TAF4B: variants seen among roughly 807,000 people sequenced by gnomAD.
TAF4B encodes transcription initiation factor TFIID subunit 4B.
In TAF4B, 38 loss-of-function variants were observed where a neutral mutation model predicts 86.4. That is an observed-to-expected ratio of 0.44 (90% CI 0.34 to 0.58). The LOEUF is 0.58. Among genes scored for constraint, TAF4B ranks in the 20% least tolerant of loss-of-function variants. The probability of loss-of-function intolerance (pLI) is 0.02; values close to 1 mark genes in which losing one functional copy is unlikely to be tolerated. For synonymous variants in TAF4B, 388 were observed against 391.2 expected (o/e 0.99, Z 0.10); for missense variants, 988 against 1,027.6 (o/e 0.96, Z 0.53).
chr18:26,255,830 G>T (rs1041622163), intron 1 of TAF4B: 95 of 1,411,496 alleles, frequency 6.7e-5, no homozygotes, highest in Non-Finnish European at 9.2e-5. Flanking sequence ...GGCCTTTATA[G>T]ATGATCCCAC....
At chr18:26,364,244 A>G (rs2057352899) in intron 14 of TAF4B, among the ~76,000 whole-genome samples, 1 of 152,192 alleles carries the variant, frequency 6.6e-6, no homozygotes, top group African/African-American at 2.4e-5. Flanking sequence ...ACAATTTTGA[A>G]TAAGATATTT....
intron 5 of TAF4B, among the ~76,000 whole-genome samples, chr18:26,276,420 T>A (rs1439914123): frequency 6.6e-6 from 1 of 152,216 alleles, no homozygotes; most frequent in Non-Finnish European, 1.5e-5. Flanking sequence ...TTTTTTGAAC[T>A]ACTATAATAT....
intron 1 of TAF4B, among the ~76,000 whole-genome samples, chr18:26,246,275 T>C (rs1275353274): frequency 1.3e-5 from 2 of 152,178 alleles, no homozygotes; most frequent in African/African-American, 4.8e-5. Flanking sequence ...AATGACTATG[T>C]CTAAGAAGGC....
intron 9 of TAF4B, among the ~76,000 whole-genome samples, chr18:26,313,258 T>C (rs2056870240): frequency 6.6e-6 from 1 of 152,214 alleles, no homozygotes; most frequent in African/African-American, 2.4e-5. Context: ...GTCATCTGAC[T>C]TTTCATTTAT....
chr18:26,354,028 G>T (rs1226594641), intron 13 of TAF4B, among the ~76,000 whole-genome samples: 1 of 152,040 alleles, frequency 6.6e-6, no homozygotes, highest in East Asian at 1.9e-4. Flanking sequence ...GATCCAGATT[G>T]ATTTTTAAAA....
At chr18:26,363,069 T>C (rs1186304693) in intron 14 of TAF4B, among the ~76,000 whole-genome samples, 2 of 152,096 alleles carry the variant, frequency 1.3e-5, no homozygotes, top group African/African-American at 4.8e-5. Flanking sequence ...CTTGAGCGTC[T>C]TTGGTTTTTG....
At chr18:26,366,015 T>G (rs749372589) in intron 14 of TAF4B, among the ~76,000 whole-genome samples, 4 of 152,144 alleles carry the variant, frequency 2.6e-5, no homozygotes, top group Non-Finnish European at 5.9e-5. Flanking sequence ...GGTCTCAAAT[T>G]CCTGAACTCA....
intron 11 of TAF4B, among the ~76,000 whole-genome samples, chr18:26,325,340 A>T (rs1304800849): frequency 6.6e-6 from 1 of 152,214 alleles, no homozygotes; most frequent in Non-Finnish European, 1.5e-5. Flanking sequence ...TGGCTAAACC[A>T]TTTAATATGC....
intron 1 of TAF4B, among the ~76,000 whole-genome samples, chr18:26,262,666 A>T (rs2056186544): frequency 6.6e-6 from 1 of 152,036 alleles, no homozygotes. Context: ...TTTTTAGTAG[A>T]GACGGGGATT....
intron 1 of TAF4B, among the ~76,000 whole-genome samples, chr18:26,232,776 C>T (rs1038227894): frequency 9.2e-5 from 14 of 152,320 alleles, no homozygotes; most frequent in Admixed American, 5.2e-4. Context: ...GCCAAACAGT[C>T]TATTTGGGAT....
chr18:26,309,567 G>C (rs575392561), intron 9 of TAF4B, among the ~76,000 whole-genome samples: 31 of 152,174 alleles, frequency 2.0e-4, no homozygotes, highest in African/African-American at 7.0e-4. Context: ...TGTAAAAATA[G>C]AAGGCAGTAC....
chr18:26,236,222 CA>C (rs975818922), intron 1 of TAF4B, among the ~76,000 whole-genome samples: 2 of 152,144 alleles, frequency 1.3e-5, no homozygotes, highest in African/African-American at 4.8e-5. Context: ...ACAAGAAAGG[CA>C]CGTGAAAAGA....
intron 13 of TAF4B, among the ~76,000 whole-genome samples, chr18:26,352,523 G>A (rs1158248960): frequency 6.6e-6 from 1 of 152,064 alleles, no homozygotes; most frequent in Non-Finnish European, 1.5e-5. Flanking sequence ...TCATAAGACT[G>A]AGAAAGGAAA....
At chr18:26,332,719 G>A (rs138988062) in intron 12 of TAF4B, among the ~76,000 whole-genome samples, 120 of 152,048 alleles carry the variant, frequency 7.9e-4, no homozygotes, top group African/African-American at 2.1e-3. Flanking sequence ...TAGTAGAGAC[G>A]GGGTTTCACC....
intron 1 of TAF4B, among the ~76,000 whole-genome samples, chr18:26,232,232 G>A (rs191294319): frequency 9.9e-5 from 15 of 152,030 alleles, no homozygotes; most frequent in Admixed American, 6.5e-5. Context: ...CCCCACCCCC[G>A]TCTAAACAGG....
chr18:26,346,779 GTGTATATATATATATATATGTGTATA>G (rs2057187358), intron 13 of TAF4B, among the ~76,000 whole-genome samples: 1 of 17,896 alleles, frequency 5.6e-5, no homozygotes, highest in African/African-American at 1.7e-4. Flanking sequence ...ATATATGTGT[GTGTATATATATATATATATGTGTATA>G]TATATATATA....
At chr18:26,356,950 TGA>T (rs938714370) in intron 13 of TAF4B, among the ~76,000 whole-genome samples, 1 of 152,188 alleles carries the variant, frequency 6.6e-6, no homozygotes, top group African/African-American at 2.4e-5. Flanking sequence ...TGGGCATTCT[TGA>T]TTAAGTATGA....
chr18:26,286,626 T>C, intron 7 of TAF4B, 127 bp downstream of exon 7: 1 of 1,061,472 alleles, frequency 9.4e-7, no homozygotes, highest in African/African-American at 1.6e-5. Context: ...ATTAATTTTT[T>C]TTTTTTTTTA....
At chr18:26,343,149 C>T (rs1054676613) in intron 13 of TAF4B, among the ~76,000 whole-genome samples, 2 of 152,180 alleles carry the variant, frequency 1.3e-5, no homozygotes, top group African/African-American at 4.8e-5. Context: ...CACCCTCCAT[C>T]CCCTACCCCC....
Sources: gnomAD v4.1 joint callset for allele counts (sites outside exome capture counted in the v4.1 genomes callset) on GRCh38, gnomAD v4.1.1 for gene constraint, MANE v1.5 for transcripts, NCBI Gene and HGNC (gene_info 2026-07-23, HGNC 2026-07-21) for gene names.